IGFBP2: variants seen among roughly 807,000 people sequenced by gnomAD.
IGFBP2 encodes insulin like growth factor binding protein 2.
Under a neutral mutation model 26.2 loss-of-function variants are expected in IGFBP2, and 12 were observed. The ratio of observed to expected loss-of-function variants is 0.46; its 90% CI spans 0.29 to 0.74. IGFBP2 has a LOEUF of 0.74. Ranked by LOEUF, IGFBP2 falls within the 30% of genes least tolerant of loss-of-function variation. IGFBP2 has a pLI of 0.09. For synonymous variants in IGFBP2, 189 were observed against 200.6 expected (o/e 0.94, Z 0.49); for missense variants, 328 against 441.2 (o/e 0.74, Z 2.30).
chr2:216,640,995 C>A (rs1364104798), intron 1 of IGFBP2, among the ~76,000 whole-genome samples: 1 of 152,162 alleles, frequency 6.6e-6, no homozygotes, highest in Non-Finnish European at 1.5e-5. Flanking sequence ...TGCAGGCAGC[C>A]TGGCCTTTGC....
At chr2:216,656,032 G>A (rs891765934) in intron 1 of IGFBP2, among the ~76,000 whole-genome samples, 3 of 151,328 alleles carry the variant, frequency 2.0e-5, no homozygotes, top group African/African-American at 7.3e-5. Flanking sequence ...ATAAAAATAT[G>A]TCCTAGGCAC....
intron 1 of IGFBP2, among the ~76,000 whole-genome samples, chr2:216,645,233 G>A (rs1360396264): frequency 1.3e-5 from 2 of 152,194 alleles, no homozygotes; most frequent in Non-Finnish European, 2.9e-5. Context: ...CAGGATAAAG[G>A]GGGTGGGGGT....
Position 216,664,405 on chromosome 2 carries a change from T to G in IGFBP2, c.*301T>G, listed in dbSNP as rs1688721827. On this transcript the variant is annotated 3_prime_UTR_variant, in exon 4 of 4. Coordinates refer to ENST00000233809, the MANE Select transcript of IGFBP2 (RefSeq NM_000597.3). This position sits in a 1 kb window ranked among gnomAD's most constrained non-coding sequence, Gnocchi z 4.6. ...TTTTATTTTTGAACCCCTGTGTCCC[T>G]TTTGCATAAGATTAAAGGAAGGAAA... 1 of 252,786 alleles carries G rather than the reference T, an allele frequency of 4.0e-6. No homozygotes were observed. Among genetic ancestry groups the G allele is most frequent in the Non-Finnish European group, 7.5e-6 (1 of 132,842 alleles). The allele number at this position is 252,786 out of a possible 1,614,324, so 15.7% of individuals were successfully genotyped here. A position where few individuals can be genotyped will look rare whatever the true frequency, so the allele number is the denominator to read the frequency against.
intron 1 of IGFBP2, among the ~76,000 whole-genome samples, chr2:216,655,721 C>A (rs1252080716): frequency 6.6e-6 from 1 of 151,952 alleles, no homozygotes; most frequent in African/African-American, 2.4e-5. Flanking sequence ...ATGGTGAAAT[C>A]CTGTCTGTAC....
chr2:216,661,837 C>T (rs768399175), intron 2 of IGFBP2, 21 bp from the exon 3 acceptor site: 1 of 1,613,914 alleles, frequency 6.2e-7, no homozygotes, highest in Non-Finnish European at 8.5e-7. Context: ...TCCGGGCGTC[C>T]CCTGCTGTCT....
chr2:216,654,833 G>A (rs1352414230), intron 1 of IGFBP2, among the ~76,000 whole-genome samples: 1 of 152,136 alleles, frequency 6.6e-6, no homozygotes, highest in Non-Finnish European at 1.5e-5. Context: ...CTTGAATCCA[G>A]GTGGCCTCTG....
At chr2:216,636,242 C>T (rs1379615725) in intron 1 of IGFBP2, among the ~76,000 whole-genome samples, 1 of 152,092 alleles carries the variant, frequency 6.6e-6, no homozygotes, top group Non-Finnish European at 1.5e-5. Flanking sequence ...CTCCATCTCC[C>T]GTCCCGTCTT....
intron 1 of IGFBP2, among the ~76,000 whole-genome samples, chr2:216,635,142 G>A (rs373035284): frequency 3.3e-4 from 50 of 152,104 alleles, no homozygotes; most frequent in African/African-American, 1.1e-3. Flanking sequence ...TCTCCTGGTC[G>A]GCTATTGTTT....
At chr2:216,636,722 G>A (rs1697503518) in intron 1 of IGFBP2, among the ~76,000 whole-genome samples, 1 of 152,204 alleles carries the variant, frequency 6.6e-6, no homozygotes, top group African/African-American at 2.4e-5. Context: ...GGTTGGGCCA[G>A]TCCAGGCCCT....
intron 2 of IGFBP2, 130 bp from the exon 3 acceptor site, chr2:216,661,728 C>T (rs1185683825): frequency 8.5e-6 from 9 of 1,064,036 alleles, no homozygotes; most frequent in Non-Finnish European, 9.8e-6. Context: ...TCCCTGTGCC[C>T]CCTGCTGGCT....
chr2:216,636,775 C>T (rs1697504418), intron 1 of IGFBP2, among the ~76,000 whole-genome samples: 1 of 152,230 alleles, frequency 6.6e-6, no homozygotes, highest in African/African-American at 2.4e-5. Flanking sequence ...TCAGTATCTC[C>T]CCAGCCTCCT....
At chr2:216,634,292 A>G (rs945595440) in intron 1 of IGFBP2, among the ~76,000 whole-genome samples, 2 of 152,008 alleles carry the variant, frequency 1.3e-5, no homozygotes, top group African/African-American at 4.8e-5. Context: ...CGGTGGTCAG[A>G]TCCATGGGAG....
At chr2:216,662,263 C>G in intron 3 of IGFBP2, 1 of 516,572 alleles carries the variant, frequency 1.9e-6, no homozygotes, top group South Asian at 2.2e-5. Flanking sequence ...GGAGGAGGCT[C>G]TTGGAGAAGG....
chr2:216,633,714 T>A lies in IGFBP2; in HGVS notation c.191T>A (p.Val64Glu), dbSNP rs1353769793. The change falls in exon 1 of 4, where the codon GTG becomes GAG. Residue 64 changes from valine to glutamate, a missense_variant. Val to Glu is a moderately radical substitution (Grantham distance 121, BLOSUM62 -2). Coordinates refer to ENST00000233809, the MANE Select transcript of IGFBP2 (RefSeq NM_000597.3). ...CCGCCGGTTGCGCCGCCCGCCGCGG[T>A]GGCCGCAGTGGCCGGAGGCGCCCGC... ...GPPPVAPPAA[V>E]AAVAGGARMP... The A allele has an allele frequency of 8.3e-7, 1 of 1,207,266 alleles. No individual in the cohort carries two copies. The highest frequency in any genetic ancestry group is 1.0e-6 in the Non-Finnish European group (1 of 973,738). 74.8% of individuals were successfully genotyped at this position (1,207,266 alleles called of 1,614,324 possible).
intron 1 of IGFBP2, among the ~76,000 whole-genome samples, chr2:216,647,271 TGAG>T (rs1697729201): frequency 1.3e-5 from 2 of 152,276 alleles, no homozygotes; most frequent in South Asian, 4.1e-4. Flanking sequence ...AAATGTTAAT[TGAG>T]GACACAGAAT....
chr2:216,644,751 C>G (rs190235989), intron 1 of IGFBP2, among the ~76,000 whole-genome samples: 2 of 152,338 alleles, frequency 1.3e-5, no homozygotes, highest in East Asian at 3.9e-4. Flanking sequence ...TTCTTCCCCT[C>G]TCCCACTTCC....
chr2:216,643,430 T>C (rs564158813), intron 1 of IGFBP2, among the ~76,000 whole-genome samples: 21 of 152,144 alleles, frequency 1.4e-4, no homozygotes, highest in Non-Finnish European at 2.4e-4. Flanking sequence ...CAGCATCTAA[T>C]GAGGCATGGC....
At chr2:216,662,167 G>T (rs967374635) in intron 3 of IGFBP2, 169 bp downstream of exon 3, 47 of 743,250 alleles carry the variant, frequency 6.3e-5, no homozygotes, top group Non-Finnish European at 9.3e-5. Flanking sequence ...GCCGGGGAGG[G>T]TGCAGCTCTT....
intron 3 of IGFBP2, chr2:216,662,393 A>G: frequency 9.2e-6 from 2 of 216,462 alleles, no homozygotes; most frequent in Non-Finnish European, 1.9e-5. Flanking sequence ...AACAAGCCTC[A>G]GGTGAGGCTC....
Sources: gnomAD v4.1 joint callset for allele counts (sites outside exome capture counted in the v4.1 genomes callset) on GRCh38, gnomAD v4.1.1 for gene constraint, Gnocchi (gnomAD v3.1) non-coding constraint, MANE v1.5 for transcripts, NCBI Gene and HGNC (gene_info 2026-07-23, HGNC 2026-07-21) for gene names.